TRANK1: variants seen among roughly 807,000 people sequenced by gnomAD.
TRANK1 encodes tetratricopeptide repeat and ankyrin repeat containing 1.
TRANK1 carries 198 observed loss-of-function variants against 266.0 expected under a neutral mutation model. The observed-to-expected ratio is 0.74, with a 90% CI of 0.66 to 0.84. The LOEUF (loss-of-function observed/expected upper bound fraction) is 0.84, where lower values mean the gene tolerates loss of function less well. TRANK1 is among the 40% of genes least tolerant of loss of function. TRANK1 has a pLI of 0.00. For missense variants in TRANK1, 3,326 were observed against 3,634.6 expected (o/e 0.92, Z 2.18); for synonymous variants, 1,396 against 1,384.1 (o/e 1.01, Z -0.19).
chr3:36,866,381 C>T (rs2079228339), intron 9 of TRANK1, among the ~76,000 whole-genome samples: 1 of 152,210 alleles, frequency 6.6e-6, no homozygotes, highest in Non-Finnish European at 1.5e-5. Flanking sequence ...TAAAAGCATG[C>T]TTCAGTCAGG....
intron 5 of TRANK1, 69 bp downstream of exon 5, chr3:36,895,571 A>C: frequency 1.1e-6 from 1 of 945,422 alleles, no homozygotes; most frequent in Non-Finnish European, 1.5e-6. Flanking sequence ...CAATCCCTCA[A>C]TGCCAATGGA....
intron 1 of TRANK1, among the ~76,000 whole-genome samples, 187 bp downstream of exon 1, chr3:36,944,600 G>C (rs1293441600): frequency 6.6e-6 from 1 of 152,106 alleles, no homozygotes; most frequent in Non-Finnish European, 1.5e-5. Context: ...CGTCCCCCGC[G>C]ACCGACCCCG....
chr3:36,857,776 A>G lies in TRANK1; in HGVS notation c.1946T>C (p.Leu649Pro). ...CCGGCTCCTCCTCCTGTTCTCCATC[A>G]GAGCTTTGTTCCAGGCCAAGAGCAG... ...DSLLLAWNKALMENRRRSRQD... is the reference protein window; with the variant it reads ...DSLLLAWNKAPMENRRRSRQD... Residue 649 changes from leucine to proline, a missense_variant, in exon 13 of 24, where the codon CTG (leucine) becomes CCG (proline). By Grantham distance (98) the Leu-to-Pro change is moderately conservative (BLOSUM62 -3). Transcript: ENST00000645898. This position sits in a 1 kb window ranked among gnomAD's most constrained non-coding sequence, Gnocchi z 4.3. The G allele has an allele frequency of 6.2e-7, 1 of 1,614,036 alleles. No individual in the cohort carries two copies. Among genetic ancestry groups the G allele is most frequent in the Non-Finnish European group, 8.5e-7 (1 of 1,179,898 alleles).
chr3:36,898,637 G>A (rs1202334375), intron 4 of TRANK1, among the ~76,000 whole-genome samples: 2 of 152,058 alleles, frequency 1.3e-5, no homozygotes, highest in East Asian at 3.9e-4. Flanking sequence ...GGATCACGAG[G>A]TCAAGAGATT....
At chr3:36,914,147 T>G (rs144914356) in intron 1 of TRANK1, among the ~76,000 whole-genome samples, 121 of 152,228 alleles carry the variant, frequency 7.9e-4, no homozygotes, top group African/African-American at 2.5e-3. Context: ...TTTTGTTTTT[T>G]TTTTGAGACT....
At chr3:36,842,103 C>A (rs1014652888) in intron 18 of TRANK1, among the ~76,000 whole-genome samples, 2 of 152,174 alleles carry the variant, frequency 1.3e-5, no homozygotes, top group African/African-American at 4.8e-5. Flanking sequence ...AGAGATAACA[C>A]TTCCTGGAAG....
Position 36,832,764 on chromosome 3 carries a change from GA to G in TRANK1, c.6818del (p.Phe2273SerfsTer35). 1 of 1,614,038 alleles carries G rather than the reference GA, an allele frequency of 6.2e-7. No homozygotes were observed. The highest frequency in any genetic ancestry group is 8.5e-7 in the Non-Finnish European group (1 of 1,179,898). ...GLCKSILDVL[F>X]PKHFHQRVLS... ...ACACTCTCTGATGGAAATGCTTAGG[GA>G]AAAGGACATCCAGAATGGACTTGCA... On this transcript the variant is annotated frameshift_variant, in exon 22 of 24. Coordinates refer to ENST00000645898, the MANE Select transcript of TRANK1 (RefSeq NM_001329998.2). LOFTEE classifies it high-confidence loss of function.
intron 18 of TRANK1, among the ~76,000 whole-genome samples, chr3:36,840,455 T>C (rs574245297): frequency 7.3e-4 from 98 of 134,136 alleles, no homozygotes; most frequent in South Asian, 2.3e-3. Context: ...GTGGCCACAG[T>C]TCTTAACTCC....
intron 9 of TRANK1, among the ~76,000 whole-genome samples, chr3:36,871,414 C>G (rs1186548893): frequency 6.6e-6 from 1 of 152,112 alleles, no homozygotes; most frequent in African/African-American, 2.4e-5. Flanking sequence ...TCAAACAAGT[C>G]AGCCATTCTC....
At position 36,857,898 on chromosome 3, in the gene TRANK1, C is replaced by T. The variant is rs765246482; in HGVS notation, c.1824G>A (p.Lys608=). The T allele has an allele frequency of 1.9e-5, 31 of 1,610,922 alleles. 1 individual carries two copies. The South Asian group carries it at 3.4e-4, about 18-fold the overall frequency. ...ACTTCACCAGCAGGTCTAACAGCTT[C>T]TTCACGCGCTTTAGCATGCCCTTCT... ...LFQKGMLKRV[K]KLLDLLVKFD... is the part of the protein sequence containing the mutation. Residue 608 remains lysine, a synonymous_variant, in exon 13 of 24, where the codon AAG becomes AAA. Coordinates refer to ENST00000645898, the MANE Select transcript of TRANK1 (RefSeq NM_001329998.2). The surrounding 1 kb of genome is among the most constrained non-coding windows in gnomAD (Gnocchi z 4.3).
intron 8 of TRANK1, among the ~76,000 whole-genome samples, chr3:36,886,904 A>C (rs373984630): frequency 2.6e-5 from 3 of 117,644 alleles, no homozygotes; most frequent in South Asian, 5.4e-4. Context: ...TTTTTGTTGG[A>C]TTTTTTTTTT....
chr3:36,880,643 T>G (rs1417852028), intron 8 of TRANK1: 1 of 191,740 alleles, frequency 5.2e-6, no homozygotes, highest in African/African-American at 2.4e-5. Flanking sequence ...AATCTACTAC[T>G]TTTTCCACCA....
intron 1 of TRANK1, among the ~76,000 whole-genome samples, chr3:36,930,918 G>A (rs1416643277): frequency 1.3e-5 from 2 of 152,104 alleles, no homozygotes; most frequent in African/African-American, 4.8e-5. Flanking sequence ...AATCTGTGCT[G>A]TTTATTACAT....
At chr3:36,852,409 G>T in intron 13 of TRANK1, 64 bp from the exon 14 acceptor site, 1 of 1,424,632 alleles carries the variant, frequency 7.0e-7, no homozygotes, top group Non-Finnish European at 9.3e-7. Context: ...TTGGTTATTT[G>T]GGGTGGGGGA....
chr3:36,845,425 G>A (rs1234293415), intron 17 of TRANK1, among the ~76,000 whole-genome samples: 4 of 152,138 alleles, frequency 2.6e-5, no homozygotes, highest in African/African-American at 9.7e-5. Flanking sequence ...TAACTCAGTA[G>A]CTGAACCCTC....
chr3:36,870,504 T>C (rs2079291877), intron 9 of TRANK1, among the ~76,000 whole-genome samples: 1 of 152,130 alleles, frequency 6.6e-6, no homozygotes, highest in Non-Finnish European at 1.5e-5. Context: ...CCTGATTAAC[T>C]TCTCCTCTTT....
intron 17 of TRANK1, 66 bp from the exon 18 acceptor site, chr3:36,842,776 G>C: frequency 7.1e-7 from 1 of 1,410,496 alleles, no homozygotes; most frequent in Non-Finnish European, 9.9e-7. Context: ...TGTTGTTATG[G>C]GCTGAGTTGC....
intron 1 of TRANK1, among the ~76,000 whole-genome samples, chr3:36,927,010 A>T (rs979254163): frequency 3.9e-5 from 6 of 152,208 alleles, no homozygotes; most frequent in African/African-American, 1.4e-4. Flanking sequence ...TCTAGAATAC[A>T]ACTTCAAACC....
intron 18 of TRANK1, among the ~76,000 whole-genome samples, chr3:36,840,016 T>C (rs950830692): frequency 3.9e-5 from 6 of 152,160 alleles, no homozygotes; most frequent in African/African-American, 9.7e-5. Flanking sequence ...TTCTCATCTG[T>C]GCCAGTTCCC....
Sources: allele counts gnomAD v4.1 joint callset (sites outside exome capture counted in the v4.1 genomes callset), GRCh38; gene constraint gnomAD v4.1.1; non-coding constraint Gnocchi (gnomAD v3.1); transcripts MANE v1.5; gene names NCBI Gene and HGNC (gene_info 2026-07-23, HGNC 2026-07-21).